ERICH1: variants seen among roughly 807,000 people sequenced by gnomAD.
ERICH1 encodes glutamate-rich protein 1.
Under a neutral mutation model 39.6 loss-of-function variants are expected in ERICH1, and 56 were observed. The ratio of observed to expected loss-of-function variants is 1.41; its 90% CI spans 1.14 to 1.77. The LOEUF is 1.77. Ranked by LOEUF, ERICH1 falls within the 40% of genes most tolerant of loss-of-function variation. The pLI, the probability that ERICH1 is intolerant of heterozygous loss-of-function variation, is 0.00. For missense variants in ERICH1, 826 were observed against 575.4 expected (o/e 1.44, Z -4.45); for synonymous variants, 313 against 223.6 (o/e 1.40, Z -3.57).
chr8:702,580 A>G lies in ERICH1; in HGVS notation c.170-9968T>C, dbSNP rs111839578. On this transcript the variant is annotated intron_variant, in intron 2 of 5. Coordinates refer to ENST00000262109, the MANE Select transcript of ERICH1 (RefSeq NM_207332.3). ...TTAGAAGAAGAAATACAAATGGACA[A>G]TAAGCACAATCAAAAGCTAAACATG... Among the ~76,000 whole-genome samples the G allele has an allele frequency of 2.1e-3, 313 of 152,356 alleles. 2 individuals are homozygous for G. Among genetic ancestry groups the G allele is most frequent in the African/African-American group, 7.3e-3 (302 of 41,594 alleles).
chr8:684,652 C>G (rs1806889077), intron 3 of ERICH1, among the ~76,000 whole-genome samples: 1 of 152,126 alleles, frequency 6.6e-6, no homozygotes. Flanking sequence ...GAACCAGCCC[C>G]CAATATTTCA....
chr8:664,967 T>C (rs1307791441), intron 5 of ERICH1, among the ~76,000 whole-genome samples: 1 of 152,104 alleles, frequency 6.6e-6, no homozygotes. Flanking sequence ...AACATCACAT[T>C]GCAATATTAT....
chr8:717,003 C>T lies in ERICH1; in HGVS notation c.23-996G>A, dbSNP rs536426923. Among the ~76,000 whole-genome samples, 43 of 152,330 alleles carry T rather than the reference C, an allele frequency of 2.8e-4. 1 individual carries two copies. In the South Asian group the frequency reaches 7.5e-3, roughly 26 times the overall value. ...GAACACTATGTGGGTTTCCACGCAA[C>T]GCTCACCAGAGCTCCCCGTGCCCTC... On this transcript the variant is annotated intron_variant, in intron 1 of 5. Coordinates refer to ENST00000262109, the MANE Select transcript of ERICH1 (RefSeq NM_207332.3).
chr8:625,808 G>A (rs1468976035), intron 3 of ERICH1: 1 of 152,166 alleles, frequency 6.6e-6, no homozygotes, highest in Admixed American at 6.5e-5. Context: ...GGGCAATGAT[G>A]TATGTGTGGA....
intron 3 of ERICH1, among the ~76,000 whole-genome samples, chr8:618,527 T>C (rs961064091): frequency 6.6e-6 from 1 of 152,204 alleles, no homozygotes; most frequent in African/African-American, 2.4e-5. Flanking sequence ...AGTGGGTACA[T>C]GCTAACTGAG....
intron 1 of ERICH1, among the ~76,000 whole-genome samples, chr8:722,118 G>A (rs1817464947): frequency 2.0e-5 from 3 of 151,716 alleles, no homozygotes; most frequent in Non-Finnish European, 2.9e-5. Flanking sequence ...CCTCATCAAC[G>A]TGCTCCCCTT....
chr8:658,250 C>A (rs1325226407), intron 3 of ERICH1, among the ~76,000 whole-genome samples: 3 of 152,152 alleles, frequency 2.0e-5, no homozygotes, highest in African/African-American at 4.8e-5. Flanking sequence ...CCCTCCCCTT[C>A]TCATTTGCCC....
chr8:717,790 A>G (rs965125807), intron 1 of ERICH1, among the ~76,000 whole-genome samples: 6 of 152,244 alleles, frequency 3.9e-5, no homozygotes, highest in Non-Finnish European at 8.8e-5. Context: ...TGGAGCCAGG[A>G]AAATGCTATG....
At chr8:628,985 T>G (rs958356390) in intron 3 of ERICH1, among the ~76,000 whole-genome samples, 1 of 152,040 alleles carries the variant, frequency 6.6e-6, no homozygotes, top group Non-Finnish European at 1.5e-5. Context: ...CCCACCAAGC[T>G]GGCTTGAATC....
chr8:626,990 G>A, intron 3 of ERICH1: 1 of 406,664 alleles, frequency 2.5e-6, no homozygotes, highest in Admixed American at 2.5e-5. Context: ...GCACAGCTTG[G>A]CCTGGTACTC....
intron 3 of ERICH1, among the ~76,000 whole-genome samples, chr8:629,286 A>G (rs1033229311): frequency 1.3e-5 from 2 of 152,190 alleles, no homozygotes; most frequent in Non-Finnish European, 2.9e-5. Context: ...TACATGACGT[A>G]CAGCTGACTC....
Position 631,033 on chromosome 8 carries a change from C to T in ERICH1, c.977-15749G>A, listed in dbSNP as rs369436105. 2.1e-4 allele frequency among the ~76,000 whole-genome samples: 31 copies of T among 149,926 alleles called. No homozygotes were observed. In the East Asian group the frequency reaches 4.6e-3, roughly 22 times the overall value. ...TGGACAGAGCTGACTCACACCCTCCCGTGACCACCCACCACCCACATTGAC... is the reference window on the plus strand; with the variant it reads ...TGGACAGAGCTGACTCACACCCTCCTGTGACCACCCACCACCCACATTGAC... On this transcript the variant is annotated intron_variant, in intron 3 of 3. Coordinates refer to the ERICH1 transcript ENST00000522706.
rs114004717 is a variant in ERICH1, at chr8:632,255, G to A, written c.977-16971C>T. Among the ~76,000 whole-genome samples the A allele has an allele frequency of 3.7e-3, 566 of 152,086 alleles. 3 individuals carry two copies. The highest frequency in any genetic ancestry group is 0.013 in the African/African-American group (530 of 41,496). On this transcript the variant is annotated intron_variant, in intron 3 of 3. Coordinates refer to the ERICH1 transcript ENST00000522706. The stretch of plus-strand genomic sequence containing the variant: ...TGTCGTGTTTATCTTGATAACATCT[G>A]CTTTTGAGATAGTTTTTCTCAAAAC...
chr8:711,714 G>T (rs1220886573), intron 2 of ERICH1, among the ~76,000 whole-genome samples: 1 of 152,110 alleles, frequency 6.6e-6, no homozygotes. Context: ...AGCCAGGATG[G>T]TGTCGATCTC....
intron 3 of ERICH1, among the ~76,000 whole-genome samples, chr8:628,317 T>G (rs1285924040): frequency 6.6e-6 from 1 of 152,204 alleles, no homozygotes; most frequent in Non-Finnish European, 1.5e-5. Flanking sequence ...ATCCCAACTG[T>G]CTGCTGTGGA....
chr8:670,332 C>T (rs531866472), intron 4 of ERICH1, among the ~76,000 whole-genome samples: 56 of 102,882 alleles, frequency 5.4e-4, no homozygotes, highest in African/African-American at 1.4e-3. Context: ...CTCTACTGCT[C>T]TTTTTTTCTC....
In ERICH1 at chr8:689,198, G is replaced by A. The variant is rs997532945; in HGVS notation, c.304+3280C>T. 1.7e-4 allele frequency among the ~76,000 whole-genome samples: 26 copies of A among 152,086 alleles called. 1 individual carries two copies. The highest frequency in any genetic ancestry group is 7.2e-4 in the Admixed American group (11 of 15,278). On this transcript the variant is annotated intron_variant, in intron 3 of 5. Coordinates refer to ENST00000262109, the MANE Select transcript of ERICH1 (RefSeq NM_207332.3). ...ATGATCTCGGCTCACCACGGCCTCC[G>A]CCTCCCCAGTTCAAGCGATTCTCAG...
downstream of ERICH1, among the ~76,000 whole-genome samples, chr8:662,251 T>C (rs944271633): frequency 1.3e-5 from 2 of 152,268 alleles, no homozygotes; most frequent in Non-Finnish European, 1.5e-5. Context: ...AAGGTGGAGA[T>C]GGTTCATCAT....
At chr8:674,488 G>A (rs1437871210) in intron 3 of ERICH1, among the ~76,000 whole-genome samples, 2 of 152,026 alleles carry the variant, frequency 1.3e-5, no homozygotes, top group Admixed American at 1.3e-4. Flanking sequence ...ATTTTCAGTA[G>A]AGACGGGGTT....
Sources: allele counts gnomAD v4.1 joint callset (sites outside exome capture counted in the v4.1 genomes callset), GRCh38; gene constraint gnomAD v4.1.1; transcripts MANE v1.5; gene names NCBI Gene and HGNC (gene_info 2026-07-23, HGNC 2026-07-21).